The following MYO16 variants were observed in gnomAD, a reference collection of about 807,000 sequenced individuals.
MYO16 encodes the protein unconventional myosin-XVI.
In MYO16, 94 loss-of-function variants were observed where a neutral mutation model predicts 205.3. The ratio of observed to expected loss-of-function variants is 0.46; its 90% CI spans 0.39 to 0.54. MYO16 has a LOEUF of 0.54. Among genes scored for constraint, MYO16 ranks in the 20% least tolerant of loss-of-function variants. The probability of loss-of-function intolerance (pLI) is 0.00; values close to 1 mark genes in which losing one functional copy is unlikely to be tolerated. For missense variants in MYO16, 2,315 were observed against 2,387.5 expected (o/e 0.97, Z 0.63); for synonymous variants, 988 against 954.0 (o/e 1.04, Z -0.66).
chr13:108,975,464 A>G (rs1003824489), intron 20 of MYO16, among the ~76,000 whole-genome samples: 31 of 152,316 alleles, frequency 2.0e-4, no homozygotes, highest in African/African-American at 7.2e-4. Flanking sequence ...AGTAGTTTGC[A>G]AGTAATTGAG....
chr13:109,141,658 C>T lies in MYO16; in HGVS notation c.5164+282C>T, dbSNP rs765516796. On this transcript the variant is annotated intron_variant, in intron 32 of 34. Coordinates refer to ENST00000457511, the MANE Select transcript of MYO16 (RefSeq NM_001198950.3). The surrounding 1 kb of genome is among the most constrained non-coding windows in gnomAD (Gnocchi z 4.1). ...AATAAATTATAACTTGATAAATGTTCGACAGAGCAAGGTTAAATGTTAGCT... is the reference window on the plus strand; with the variant it reads ...AATAAATTATAACTTGATAAATGTTTGACAGAGCAAGGTTAAATGTTAGCT... Among the ~76,000 whole-genome samples, 75 of 152,230 alleles carry T rather than the reference C, an allele frequency of 4.9e-4. No individual in the cohort carries two copies. The highest frequency in any genetic ancestry group is 8.2e-4 in the Non-Finnish European group (56 of 68,028).
At chr13:109,021,099 A>AG (rs1430399232) in intron 23 of MYO16, among the ~76,000 whole-genome samples, 5 of 152,152 alleles carry the variant, frequency 3.3e-5, no homozygotes, top group Non-Finnish European at 5.9e-5. Flanking sequence ...ATAAAAGAGA[A>AG]GGGGGGACAT....
chr13:108,642,057 T>G (rs1478032771), intron 1 of MYO16, among the ~76,000 whole-genome samples: 1 of 152,194 alleles, frequency 6.6e-6, no homozygotes, highest in Non-Finnish European at 1.5e-5. Flanking sequence ...TTCTAGGGCT[T>G]GGTACTTAAT....
chr13:108,901,460 G>A (rs759992817), intron 15 of MYO16, among the ~76,000 whole-genome samples: 5 of 152,140 alleles, frequency 3.3e-5, no homozygotes, highest in Admixed American at 1.3e-4. Context: ...AAGAACCTAC[G>A]TGAAATATCG....
At chr13:108,739,315 C>G (rs1884819394) in intron 4 of MYO16, among the ~76,000 whole-genome samples, 1 of 151,978 alleles carries the variant, frequency 6.6e-6, no homozygotes, top group Non-Finnish European at 1.5e-5. Flanking sequence ...TTCAGGAGCT[C>G]TTGTAGGGCA....
At chr13:109,008,410 C>T (rs1045233982) in intron 21 of MYO16, among the ~76,000 whole-genome samples, 1 of 137,878 alleles carries the variant, frequency 7.3e-6, no homozygotes, top group Non-Finnish European at 1.5e-5. Context: ...GTATGCACTA[C>T]TGTACTATCT....
chr13:108,898,733 A>G (rs1029778549), intron 15 of MYO16, among the ~76,000 whole-genome samples: 1 of 152,264 alleles, frequency 6.6e-6, no homozygotes, highest in East Asian at 1.9e-4. Flanking sequence ...TTCGTATTTG[A>G]TTTAAATACT....
At chr13:108,499,074 G>C in the MYO16 span, among the ~76,000 whole-genome samples, 1 of 152,126 alleles carries the variant, frequency 6.6e-6, no homozygotes, top group South Asian at 2.1e-4. Context: ...GTGCTATTCA[G>C]TAAGGATTCA....
chr13:108,814,956 G>T (rs1887404328), intron 7 of MYO16, among the ~76,000 whole-genome samples: 1 of 152,058 alleles, frequency 6.6e-6, no homozygotes, highest in African/African-American at 2.4e-5. Context: ...AAAATGAAAG[G>T]CAAGGTTAGG....
chr13:109,100,139 T>C (rs1888915430), intron 27 of MYO16, among the ~76,000 whole-genome samples: 1 of 152,180 alleles, frequency 6.6e-6, no homozygotes, highest in African/African-American at 2.4e-5. Context: ...TTACATAGAT[T>C]TTTTTTAAAT....
At chr13:108,986,105 G>A (rs781305501) in intron 20 of MYO16, among the ~76,000 whole-genome samples, 16 of 152,190 alleles carry the variant, frequency 1.1e-4, no homozygotes, top group South Asian at 4.1e-4. Flanking sequence ...ATCAGATCTC[G>A]TGAGACTTAT....
At position 108,869,535 on chromosome 13, in the gene MYO16, T is replaced by C. The variant is rs1429522584; in HGVS notation, c.1425+3293T>C. 4.0e-5 allele frequency among the ~76,000 whole-genome samples: 6 copies of C among 148,876 alleles called. No individual in the cohort carries two copies. The East Asian group carries it at 8.0e-4, about 20-fold the overall frequency. The stretch of plus-strand genomic sequence containing the variant: ...GTCAGGAGATCGAGACCATCCTGGC[T>C]AACACGATGAAACCCCGTCTCTACT... On this transcript the variant is annotated intron_variant, in intron 12 of 34. Coordinates refer to ENST00000457511, the MANE Select transcript of MYO16 (RefSeq NM_001198950.3).
intron 12 of MYO16, among the ~76,000 whole-genome samples, chr13:108,875,257 T>C (rs1032946402): frequency 6.6e-6 from 1 of 151,946 alleles, no homozygotes; most frequent in African/African-American, 2.4e-5. Context: ...AAAAGACAGG[T>C]GGGGAAGGAA....
chr13:108,912,944 A>G (rs1881331208), intron 16 of MYO16, among the ~76,000 whole-genome samples: 1 of 152,134 alleles, frequency 6.6e-6, no homozygotes, highest in Non-Finnish European at 1.5e-5. Context: ...TAACTTCTTG[A>G]TCTGTGGTTT....
intron 32 of MYO16, among the ~76,000 whole-genome samples, chr13:109,153,598 A>C (rs565469557): frequency 1.3e-5 from 2 of 152,162 alleles, no homozygotes; most frequent in African/African-American, 4.8e-5. Context: ...ATCTCTACTA[A>C]AAGCACAAAA....
chr13:109,049,926 CTGTGTGTGTG>C (rs35960970), intron 24 of MYO16, among the ~76,000 whole-genome samples: 3,372 of 105,976 alleles, frequency 0.032, 45 homozygotes, highest in Non-Finnish European at 0.047. Context: ...TTCCTTTGTC[CTGTGTGTGTG>C]TGTGTGTGTG....
chr13:108,528,574 CTCCCCTCCCCTT>C, the MYO16 span, among the ~76,000 whole-genome samples: 103 of 120,016 alleles, frequency 8.6e-4, no homozygotes, highest in South Asian at 1.3e-3. Flanking sequence ...CTCCTCTCCC[CTCCCCTCCCCTT>C]TCCCCTCCTC....
intron 1 of MYO16, among the ~76,000 whole-genome samples, chr13:108,631,242 C>A (rs768542165): frequency 1.1e-4 from 16 of 152,126 alleles, no homozygotes; most frequent in Admixed American, 5.9e-4. Flanking sequence ...CTACAAGGAA[C>A]CTGGATGCTC....
intron 7 of MYO16, among the ~76,000 whole-genome samples, chr13:108,818,969 T>G (rs373772034): frequency 1.2e-4 from 19 of 152,312 alleles, no homozygotes; most frequent in Middle Eastern, 3.4e-3. Flanking sequence ...ATAAAGCTAT[T>G]AAGTAGAACG....
Sources: allele counts gnomAD v4.1 joint callset (sites outside exome capture counted in the v4.1 genomes callset), GRCh38; gene constraint gnomAD v4.1.1; non-coding constraint Gnocchi (gnomAD v3.1); transcripts MANE v1.5; gene names NCBI Gene and HGNC (gene_info 2026-07-23, HGNC 2026-07-21).